The following IQCM variants were observed in gnomAD, a reference collection of about 807,000 sequenced individuals.
IQCM encodes IQ domain-containing protein M.
IQCM carries 45 observed loss-of-function variants against 57.6 expected under a neutral mutation model. The observed-to-expected ratio is 0.78, with a 90% CI of 0.62 to 1.00. IQCM has a LOEUF of 1.00. Among genes scored for constraint, IQCM ranks in the 50% least tolerant of loss-of-function variants. The pLI is 0.00. For synonymous variants in IQCM, 148 were observed against 158.9 expected (o/e 0.93, Z 0.51); for missense variants, 468 against 511.6 (o/e 0.91, Z 0.82).
intron 10 of IQCM, among the ~76,000 whole-genome samples, chr4:149,560,607 G>A (rs577306255): frequency 6.6e-6 from 1 of 151,892 alleles, no homozygotes; most frequent in Non-Finnish European, 1.5e-5. Flanking sequence ...AAAGGAAAAG[G>A]ACATTTTTAA....
chr4:149,635,931 C>A (rs1279465023), intron 7 of IQCM, among the ~76,000 whole-genome samples: 1 of 151,962 alleles, frequency 6.6e-6, no homozygotes, highest in Non-Finnish European at 1.5e-5. Context: ...TTGAACTCAG[C>A]CTCACAGAAT....
chr4:149,579,050 GGATTACTAT>G (rs776394290), intron 9 of IQCM, among the ~76,000 whole-genome samples: 1 of 151,814 alleles, frequency 6.6e-6, no homozygotes, highest in Non-Finnish European at 1.5e-5. Context: ...CTATTAGGGA[GGATTACTAT>G]GTTTTGAAGA....
chr4:149,815,391 T>G (rs534855120), intron 1 of IQCM, 43 bp from the exon 2 acceptor site: 1 of 152,052 alleles, frequency 6.6e-6, no homozygotes, highest in Admixed American at 6.6e-5. Flanking sequence ...GCTCACAGCT[T>G]GTAAAACAAA....
intron 13 of IQCM, among the ~76,000 whole-genome samples, chr4:149,355,228 G>A: frequency 6.6e-6 from 1 of 151,914 alleles, no homozygotes; most frequent in East Asian, 1.9e-4. Context: ...ATCTTTCAAA[G>A]TAAATATTCT....
At chr4:149,733,693 A>G (rs1766674465) in intron 4 of IQCM, among the ~76,000 whole-genome samples, 185 bp from the exon 5 acceptor site, 1 of 147,760 alleles carries the variant, frequency 6.8e-6, no homozygotes, top group Admixed American at 6.6e-5. Flanking sequence ...CAGCTAAATC[A>G]GATGTTATTC....
intron 2 of IQCM, among the ~76,000 whole-genome samples, chr4:149,812,415 T>G (rs888203482): frequency 2.0e-5 from 3 of 151,532 alleles, no homozygotes; most frequent in African/African-American, 7.3e-5. Flanking sequence ...AGAAACCTCA[T>G]GCTAAATTTC....
Position 149,626,333 on chromosome 4 carries a change from G to A in IQCM, c.566-5089C>T, listed in dbSNP as rs1756793489. On this transcript the variant is annotated intron_variant, in intron 7 of 13. Coordinates refer to ENST00000636793, the MANE Select transcript of IQCM (RefSeq NM_001363507.2). The stretch of plus-strand genomic sequence containing the variant: ...GGCTCTCCTTGCTCCTCAGCCTGCA[G>A]ACAGCCTATTGTGGGACCTTTGTGG... Among the ~76,000 whole-genome samples, 4 of 150,266 alleles carry A rather than the reference G, an allele frequency of 2.7e-5. No individual in the cohort carries two copies. In the South Asian group the frequency reaches 8.5e-4, roughly 32 times the overall value.
chr4:149,693,219 C>A (rs151105526), intron 5 of IQCM, among the ~76,000 whole-genome samples: 2 of 152,286 alleles, frequency 1.3e-5, no homozygotes, highest in East Asian at 3.9e-4. Flanking sequence ...CCACCTCCAG[C>A]TATTGTGTGT....
intron 2 of IQCM, among the ~76,000 whole-genome samples, chr4:149,767,201 T>C (rs1770143439): frequency 6.6e-6 from 1 of 151,862 alleles, no homozygotes; most frequent in Admixed American, 6.6e-5. Flanking sequence ...TTAACCAAAA[T>C]TATCTATCAC....
At chr4:149,443,068 G>A (rs1736133997) in intron 12 of IQCM, among the ~76,000 whole-genome samples, 1 of 151,774 alleles carries the variant, frequency 6.6e-6, no homozygotes, top group African/African-American at 2.4e-5. Flanking sequence ...CACAAAGCAG[G>A]CCACCAGGAA....
chr4:149,468,844 G>C (rs2149723388), intron 12 of IQCM, among the ~76,000 whole-genome samples: 1 of 152,308 alleles, frequency 6.6e-6, no homozygotes, highest in South Asian at 2.1e-4. Context: ...AGCCTCTGCT[G>C]GTGATACCCA....
At chr4:149,698,728 T>G (rs1763528686) in intron 5 of IQCM, among the ~76,000 whole-genome samples, 1 of 152,082 alleles carries the variant, frequency 6.6e-6, no homozygotes, top group South Asian at 2.1e-4. Flanking sequence ...ATTTAAATAT[T>G]ATCCTCCAGG....
chr4:149,546,860 A>G (rs1409605018), intron 12 of IQCM, among the ~76,000 whole-genome samples: 1 of 152,050 alleles, frequency 6.6e-6, no homozygotes, highest in Non-Finnish European at 1.5e-5. Context: ...TTTTGTTGCC[A>G]TTGCTTTTGG....
chr4:149,356,559 ATG>A (rs1729001362), intron 13 of IQCM, among the ~76,000 whole-genome samples: 5 of 152,042 alleles, frequency 3.3e-5, no homozygotes, highest in Admixed American at 2.6e-4. Context: ...AGTTGTAGAT[ATG>A]CGGCATTATT....
chr4:149,623,826 C>T (rs1468257678), intron 7 of IQCM, among the ~76,000 whole-genome samples: 1 of 151,566 alleles, frequency 6.6e-6, no homozygotes, highest in African/African-American at 2.4e-5. Flanking sequence ...AGTTATCAGT[C>T]AGCAGGACAG....
intron 8 of IQCM, among the ~76,000 whole-genome samples, chr4:149,590,860 A>T (rs1157854101): frequency 2.0e-5 from 3 of 152,034 alleles, no homozygotes; most frequent in Admixed American, 6.6e-5. Flanking sequence ...ATTGATGGGC[A>T]TTTGGGTTGG....
Position 149,571,406 on chromosome 4 carries a change from C to A in IQCM, c.750-7516G>T, listed in dbSNP as rs533957995. 4.9e-4 allele frequency among the ~76,000 whole-genome samples: 74 copies of A among 152,118 alleles called. 1 individual carries two copies. In the South Asian group the frequency reaches 0.015, roughly 32 times the overall value. On this transcript the variant is annotated intron_variant, in intron 9 of 13. Transcript: ENST00000636793. ...ATGCCAGATACAGAAAGGCAAATAC[C>A]ACATGACCTCACTCATGTGGAATCT...
At chr4:149,438,653 A>G (rs1000486936) in intron 12 of IQCM, among the ~76,000 whole-genome samples, 1 of 152,090 alleles carries the variant, frequency 6.6e-6, no homozygotes, top group African/African-American at 2.4e-5. Context: ...AAAGTTATCA[A>G]TATGAAAAAT....
chr4:149,582,184 T>C (rs561974483), intron 9 of IQCM, among the ~76,000 whole-genome samples: 88 of 149,964 alleles, frequency 5.9e-4, no homozygotes, highest in Non-Finnish European at 1.2e-3. Context: ...AGACATTACT[T>C]GAGTCCTTGA....
Sources: allele counts gnomAD v4.1 joint callset (sites outside exome capture counted in the v4.1 genomes callset), GRCh38; gene constraint gnomAD v4.1.1; transcripts MANE v1.5; gene names NCBI Gene and HGNC (gene_info 2026-07-23, HGNC 2026-07-21).